NTM: variants seen among roughly 807,000 people sequenced by gnomAD.
The protein encoded by NTM is IgLON family member 2.
In NTM, 13 loss-of-function variants were observed where a neutral mutation model predicts 42.1. That is an observed-to-expected ratio of 0.31 (90% CI 0.20 to 0.49). NTM has a LOEUF of 0.49. NTM is among the 20% of genes least tolerant of loss of function. The pLI is 0.99. For missense variants in NTM, 373 were observed against 452.8 expected (o/e 0.82, Z 1.60); for synonymous variants, 187 against 179.2 (o/e 1.04, Z -0.35).
At chr11:131,682,185 C>T (rs1332487513) in intron 1 of NTM, among the ~76,000 whole-genome samples, 14 of 152,196 alleles carry the variant, frequency 9.2e-5, no homozygotes, top group Non-Finnish European at 5.9e-5. Flanking sequence ...CTCACCCGTT[C>T]CTGATCTGAA....
chr11:132,287,788 G>A (rs1272799537), intron 4 of NTM, among the ~76,000 whole-genome samples: 4 of 152,158 alleles, frequency 2.6e-5, no homozygotes, highest in African/African-American at 9.7e-5. Context: ...TCTCTAATAA[G>A]CTTACATTGC....
chr11:132,034,765 G>A (rs1593959385), intron 2 of NTM, among the ~76,000 whole-genome samples: 1 of 152,318 alleles, frequency 6.6e-6, no homozygotes, highest in Non-Finnish European at 1.5e-5. Flanking sequence ...CTTTAACTGT[G>A]CCGAGGCTGG....
intron 1 of NTM, among the ~76,000 whole-genome samples, chr11:131,806,308 T>C (rs2092477067): frequency 6.6e-6 from 1 of 152,184 alleles, no homozygotes; most frequent in African/African-American, 2.4e-5. Context: ...CTAATAATCA[T>C]AAAATTTGAA....
chr11:131,564,547 A>G (rs2056645844), intron 1 of NTM, among the ~76,000 whole-genome samples: 1 of 152,086 alleles, frequency 6.6e-6, no homozygotes, highest in Non-Finnish European at 1.5e-5. Context: ...TTGTTGATAT[A>G]CAAAAATGGC....
intron 1 of NTM, among the ~76,000 whole-genome samples, chr11:131,654,594 C>T (rs1428408068): frequency 6.6e-6 from 1 of 152,132 alleles, no homozygotes; most frequent in Non-Finnish European, 1.5e-5. Context: ...GGAGGTGAGG[C>T]CTGGTGGGAG....
chr11:131,732,171 A>T (rs2079785266), intron 1 of NTM, among the ~76,000 whole-genome samples: 1 of 152,216 alleles, frequency 6.6e-6, no homozygotes, highest in Non-Finnish European at 1.5e-5. Context: ...TTGTTACAAT[A>T]GAAAGTACAA....
intron 4 of NTM, among the ~76,000 whole-genome samples, chr11:132,287,701 A>G (rs1288085742): frequency 6.6e-6 from 1 of 152,172 alleles, no homozygotes; most frequent in Non-Finnish European, 1.5e-5. Context: ...ACTAGAAATA[A>G]ATGACCAGAT....
chr11:132,321,204 A>G (rs1383395782), intron 7 of NTM, among the ~76,000 whole-genome samples: 6 of 152,216 alleles, frequency 3.9e-5, no homozygotes, highest in South Asian at 2.1e-4. Flanking sequence ...GAGAGAAGAC[A>G]GCTTCAGACA....
intron 2 of NTM, among the ~76,000 whole-genome samples, chr11:132,036,247 G>A (rs765050031): frequency 1.3e-5 from 2 of 152,090 alleles, no homozygotes; most frequent in Non-Finnish European, 2.9e-5. Flanking sequence ...CTCCTCAATT[G>A]GCCTGGTGAT....
chr11:132,102,207 T>C (rs1423952250), intron 2 of NTM, among the ~76,000 whole-genome samples: 2 of 152,224 alleles, frequency 1.3e-5, no homozygotes, highest in African/African-American at 4.8e-5. Context: ...AACTATGACT[T>C]TTTCTGTCTT....
intron 1 of NTM, among the ~76,000 whole-genome samples, chr11:131,775,122 C>T (rs1045080009): frequency 1.3e-5 from 2 of 152,232 alleles, no homozygotes; most frequent in Non-Finnish European, 2.9e-5. Context: ...CAGGGGAATG[C>T]TGTGCTTCCA....
chr11:132,071,826 A>T (rs1042267975), intron 2 of NTM, among the ~76,000 whole-genome samples: 2 of 152,092 alleles, frequency 1.3e-5, no homozygotes, highest in African/African-American at 4.8e-5. Context: ...AAATGTAACT[A>T]CCTCATATAT....
At chr11:132,282,206 T>C (rs2093996494) in intron 4 of NTM, among the ~76,000 whole-genome samples, 1 of 152,222 alleles carries the variant, frequency 6.6e-6, no homozygotes, top group Non-Finnish European at 1.5e-5. Context: ...AATGTTTACA[T>C]TGAAGGACAA....
At chr11:131,873,537 T>TGTGTATATATATACGTATATATGTACC (rs1565657182) in intron 1 of NTM, among the ~76,000 whole-genome samples, 1 of 72,114 alleles carries the variant, frequency 1.4e-5, no homozygotes, top group African/African-American at 3.8e-5. Context: ...TGTGTGTGTG[T>TGTGTATATATATACGTATATATGTACC]GTATATATAT....
intron 2 of NTM, among the ~76,000 whole-genome samples, chr11:132,047,163 G>A (rs748375210): frequency 1.3e-5 from 2 of 152,174 alleles, no homozygotes; most frequent in Non-Finnish European, 2.9e-5. Context: ...TGCCCCCATG[G>A]GCTGGGATCT....
intron 1 of NTM, among the ~76,000 whole-genome samples, chr11:131,833,069 C>T (rs1199148071): frequency 3.3e-5 from 5 of 152,158 alleles, no homozygotes; most frequent in African/African-American, 4.8e-5. Context: ...GCTCAGAAAA[C>T]ATTAAGCTCA....
chr11:131,729,281 C>T lies in NTM; in HGVS notation c.83-182283C>T, dbSNP rs973650418. Reference sequence around the variant, plus strand: ...TAGCCCTCAGGGCCATTAGACACAACGGGTATTTGAGAAATATTGGTACAG... The same window carrying T: ...TAGCCCTCAGGGCCATTAGACACAATGGGTATTTGAGAAATATTGGTACAG... On this transcript the variant is annotated intron_variant, in intron 1 of 8. Coordinates refer to ENST00000683400, the MANE Select transcript of NTM (RefSeq NM_001352005.2). Among the ~76,000 whole-genome samples the T allele has an allele frequency of 2.6e-5, 4 of 152,114 alleles. No individual in the cohort carries two copies. The East Asian group carries it at 5.8e-4, about 22-fold the overall frequency.
chr11:131,818,241 C>A (rs1385540048), intron 1 of NTM, among the ~76,000 whole-genome samples: 3 of 139,978 alleles, frequency 2.1e-5, no homozygotes, highest in Admixed American at 6.7e-5. Context: ...GGGCTCCCAC[C>A]ACCCAGGCCT....
chr11:131,593,835 A>T (rs1429075624), intron 1 of NTM, among the ~76,000 whole-genome samples: 1 of 152,196 alleles, frequency 6.6e-6, no homozygotes, highest in Non-Finnish European at 1.5e-5. Flanking sequence ...CTTTATGATT[A>T]TCTGTTTGTC....
Sources: allele counts gnomAD v4.1 joint callset (sites outside exome capture counted in the v4.1 genomes callset), GRCh38; gene constraint gnomAD v4.1.1; transcripts MANE v1.5; gene names NCBI Gene and HGNC (gene_info 2026-07-23, HGNC 2026-07-21).